KYNU: variants seen among roughly 807,000 people sequenced by gnomAD.
KYNU encodes kynureninase.
A neutral mutation model predicts 59.2 loss-of-function variants in KYNU; 54 were observed. The observed-to-expected ratio is 0.91, with a 90% CI of 0.73 to 1.14. The LOEUF is 1.14. Ranked by LOEUF, KYNU falls within the 50% of genes most tolerant of loss-of-function variation. KYNU has a pLI of 0.00. For missense variants in KYNU, 567 were observed against 554.4 expected, an observed-to-expected ratio of 1.02 and a Z score of -0.23; for synonymous variants, 177 against 192.0, an observed-to-expected ratio of 0.92 and a Z score of 0.65.
chr2:143,042,300 C>G lies in KYNU; in HGVS notation c.*128C>G. 1 of 932,910 alleles carries G rather than the reference C, an allele frequency of 1.1e-6. No homozygotes were observed. Among genetic ancestry groups the G allele is most frequent in the Non-Finnish European group, 1.6e-6 (1 of 616,486 alleles). The allele number at this position is 932,910 out of a possible 1,614,324, so 57.8% of individuals were successfully genotyped here. On this transcript the variant is annotated 3_prime_UTR_variant, in exon 14 of 14. Coordinates refer to ENST00000264170, the MANE Select transcript of KYNU (RefSeq NM_003937.3). ...CATGTAACTAACAATAAATAATATA[C>G]CTTACAGAAAATCTGATATAATTTT...
chr2:142,927,691 C>T lies in KYNU; in HGVS notation c.323C>T (p.Pro108Leu), dbSNP rs1043905236. 6.2e-7 allele frequency: 1 copy of T among 1,613,280 alleles called. No homozygotes were observed. The highest frequency in any genetic ancestry group is 8.5e-7 in the Non-Finnish European group (1 of 1,179,454). Residue 108 changes from proline (P) to leucine (L), a missense_variant, in exon 4 of 14, where the codon CCT (proline) becomes CTT (leucine). Pro to Leu is a moderately conservative substitution (Grantham distance 98, BLOSUM62 -3). Transcript: ENST00000264170. ...AAYGHEVGKRPWITGDESIVG... is the reference protein window; with the variant it reads ...AAYGHEVGKRLWITGDESIVG... ...TATGGTCATGAAGTGGGGAAGCGTC[C>T]TTGGATTACAGGAGATGAGAGTATT...
intron 2 of KYNU, among the ~76,000 whole-genome samples, chr2:142,896,256 T>C (rs2104934602): frequency 6.6e-6 from 1 of 152,350 alleles, no homozygotes; most frequent in South Asian, 2.1e-4. Flanking sequence ...CCACCAGTAA[T>C]GTGTGGGAAT....
intron 4 of KYNU, 117 bp from the exon 5 acceptor site, chr2:142,954,693 A>G (rs1455683484): frequency 8.5e-6 from 6 of 708,410 alleles, no homozygotes; most frequent in East Asian, 2.6e-5. Flanking sequence ...TGACACATCA[A>G]ATATGCCCTT....
chr2:142,932,220 A>G (rs963735777), intron 4 of KYNU, among the ~76,000 whole-genome samples: 3 of 152,158 alleles, frequency 2.0e-5, no homozygotes, highest in Admixed American at 6.5e-5. Flanking sequence ...ACCGACATGG[A>G]AAGAGTTGTG....
At chr2:142,970,126 C>T (rs1224998737) in intron 8 of KYNU, among the ~76,000 whole-genome samples, 1 of 152,166 alleles carries the variant, frequency 6.6e-6, no homozygotes, top group Non-Finnish European at 1.5e-5. Context: ...ATTTCTTCCA[C>T]ACCATTCTCT....
chr2:143,044,006 A>G lies in KYNU; in HGVS notation c.*1834A>G, dbSNP rs962421682. On this transcript the variant is annotated 3_prime_UTR_variant, in exon 14 of 14. Transcript: ENST00000264170. ...CTCTTATCCCCAACTACCCAAAAGG[A>G]CCTGGTGTGTGATGTTCCCCTCCCT... is the stretch of plus-strand genomic sequence containing the variant. 4.0e-5 allele frequency: 6 copies of G among 151,398 alleles called. No homozygotes were observed. Among genetic ancestry groups the G allele is most frequent in the Non-Finnish European group, 8.8e-5 (6 of 67,818 alleles). 9.4% of individuals were successfully genotyped at this position (151,398 alleles called of 1,614,324 possible).
At chr2:142,920,520 A>G (rs975381786) in intron 3 of KYNU, among the ~76,000 whole-genome samples, 16 of 152,204 alleles carry the variant, frequency 1.1e-4, no homozygotes, top group African/African-American at 3.6e-4. Flanking sequence ...TTAAGTAAGA[A>G]ACCGGTTGAT....
intron 2 of KYNU, among the ~76,000 whole-genome samples, chr2:142,900,721 A>G (rs12475145): frequency 0.56 from 85,001 of 151,908 alleles, 24,823 homozygotes; most frequent in African/African-American, 0.71. Flanking sequence ...AGTGCTGTTG[A>G]GAGATTGGCC....
intron 3 of KYNU, among the ~76,000 whole-genome samples, chr2:142,924,670 A>G (rs1447760484): frequency 1.3e-5 from 2 of 152,174 alleles, no homozygotes; most frequent in East Asian, 1.9e-4. Flanking sequence ...ACACCCACTT[A>G]TAGCAATGAT....
intron 10 of KYNU, among the ~76,000 whole-genome samples, chr2:142,997,646 A>G (rs938688411): frequency 6.6e-6 from 1 of 152,180 alleles, no homozygotes; most frequent in East Asian, 1.9e-4. Flanking sequence ...ATGAAAATGT[A>G]TGTTCTTAAG....
At position 143,013,355 on chromosome 2, in the gene KYNU, A is replaced by G. The variant is rs372010739; in HGVS notation, c.903-16272A>G. Among the ~76,000 whole-genome samples, 47 of 146,686 alleles carry G rather than the reference A, an allele frequency of 3.2e-4. No homozygotes were observed. In the South Asian group the frequency reaches 0.01, roughly 32 times the overall value. Reference sequence around the variant, plus strand: ...TTCTTTTCCACTCATCTGTTGATGGACACTTAGGTTGATCCCAAATCTTCA... The same window carrying G: ...TTCTTTTCCACTCATCTGTTGATGGGCACTTAGGTTGATCCCAAATCTTCA... On this transcript the variant is annotated intron_variant, in intron 10 of 13. Transcript: ENST00000264170.
chr2:142,988,573 G>T (rs773530751), intron 10 of KYNU, among the ~76,000 whole-genome samples: 2 of 151,912 alleles, frequency 1.3e-5, no homozygotes, highest in Non-Finnish European at 2.9e-5. Flanking sequence ...GTGTGTATGA[G>T]AACCTTGCTT....
chr2:143,026,554 T>C (rs903219244), intron 10 of KYNU, among the ~76,000 whole-genome samples: 2 of 152,110 alleles, frequency 1.3e-5, no homozygotes, highest in African/African-American at 4.8e-5. Context: ...CCCCACTCAC[T>C]CGGACCTGCA....
intron 2 of KYNU, among the ~76,000 whole-genome samples, chr2:142,890,044 G>T (rs1321510588): frequency 1.3e-5 from 2 of 151,320 alleles, no homozygotes; most frequent in African/African-American, 4.9e-5. Flanking sequence ...CAGAGAAAGG[G>T]GTCAAAAATA....
chr2:142,964,646 AT>A (rs1558947968), intron 8 of KYNU: 1 of 151,964 alleles, frequency 6.6e-6, no homozygotes, highest in Non-Finnish European at 1.5e-5. Flanking sequence ...TCCTGGTTTG[AT>A]TGTAGGTGGT....
chr2:142,983,021 A>C (rs1454641422), intron 8 of KYNU, among the ~76,000 whole-genome samples: 1 of 152,038 alleles, frequency 6.6e-6, no homozygotes, highest in Non-Finnish European at 1.5e-5. Context: ...CTGTGTAACA[A>C]ATCATCTTGA....
At chr2:142,989,817 A>G (rs1685342583) in intron 10 of KYNU, 1 of 151,840 alleles carries the variant, frequency 6.6e-6, no homozygotes, top group South Asian at 2.1e-4. Flanking sequence ...TAGAGAGTGT[A>G]TCCCCAGATA....
chr2:143,035,392 A>G (rs916236561), intron 12 of KYNU, among the ~76,000 whole-genome samples: 5 of 152,252 alleles, frequency 3.3e-5, no homozygotes, highest in African/African-American at 1.2e-4. Context: ...TAGTTAATCA[A>G]GCCTTATGTT....
chr2:142,887,168 T>TCA (rs1681545882), intron 2 of KYNU, among the ~76,000 whole-genome samples: 1 of 150,490 alleles, frequency 6.6e-6, no homozygotes, highest in East Asian at 2.0e-4. Flanking sequence ...AGGCTCCATC[T>TCA]CAACAACAAC....
Sources: gnomAD v4.1 joint callset for allele counts (sites outside exome capture counted in the v4.1 genomes callset) on GRCh38, gnomAD v4.1.1 for gene constraint, MANE v1.5 for transcripts, NCBI Gene and HGNC (gene_info 2026-07-23, HGNC 2026-07-21) for gene names.